Variants in SLC6A16 observed in about 807,000 individuals in gnomAD.
SLC6A16 encodes solute carrier family 6 member 16.
Under a neutral mutation model 65.4 loss-of-function variants are expected in SLC6A16, and 54 were observed. The ratio of observed to expected loss-of-function variants is 0.83; its 90% confidence interval spans 0.66 to 1.04. SLC6A16 has a LOEUF of 1.04. Among genes scored for constraint, SLC6A16 ranks in the 50% least tolerant of loss-of-function variants. SLC6A16 has a pLI of 0.00. For missense variants in SLC6A16, 816 were observed against 914.0 expected (o/e 0.89, Z 1.38); for synonymous variants, 330 against 346.5 (o/e 0.95, Z 0.53).
At chr19:49,318,423 C>A (rs566440583) in intron 1 of SLC6A16, among the ~76,000 whole-genome samples, 2 of 152,198 alleles carry the variant, frequency 1.3e-5, no homozygotes, top group East Asian at 3.9e-4. Context: ...AACTTAACTG[C>A]CTGTCACAAC....
intron 9 of SLC6A16, 40 bp downstream of exon 9, chr19:49,293,787 G>T (rs1970127256): frequency 4.5e-6 from 7 of 1,566,308 alleles, no homozygotes; most frequent in East Asian, 4.5e-5. Context: ...GGTGTCAGGG[G>T]TCAGGGTCAT....
intron 1 of SLC6A16, among the ~76,000 whole-genome samples, chr19:49,317,234 G>A (rs762682109): frequency 7.9e-5 from 12 of 151,962 alleles, no homozygotes; most frequent in African/African-American, 2.2e-4. Context: ...CCAGCTACTC[G>A]GAAGGCTGAG....
At chr19:49,317,216 C>T (rs917985154) in intron 1 of SLC6A16, among the ~76,000 whole-genome samples, 120 of 152,000 alleles carry the variant, frequency 7.9e-4, no homozygotes, top group Non-Finnish European at 1.2e-4. Context: ...TGGGACACAC[C>T]TGTAGCCCCA....
chr19:49,330,419 A>G, the SLC6A16 span, among the ~76,000 whole-genome samples: 43 of 152,250 alleles, frequency 2.8e-4, no homozygotes, highest in Middle Eastern at 0.014. Context: ...GCACTGCATG[A>G]TATCATCTCG....
intron 1 of SLC6A16, among the ~76,000 whole-genome samples, chr19:49,314,964 C>G (rs1600645534): frequency 6.6e-6 from 1 of 151,770 alleles, no homozygotes; most frequent in Admixed American, 6.6e-5. Flanking sequence ...ACCATCAAAA[C>G]AAAAGGAAGT....
the SLC6A16 span, chr19:49,337,932 G>A: frequency 6.2e-7 from 1 of 1,614,096 alleles, no homozygotes; most frequent in Non-Finnish European, 8.5e-7. Context: ...CAGCTGGAGC[G>A]AAGCTTGCGG....
intron 7 of SLC6A16, among the ~76,000 whole-genome samples, chr19:49,301,958 A>G (rs1343451436): frequency 6.6e-6 from 1 of 152,064 alleles, no homozygotes; most frequent in Non-Finnish European, 1.5e-5. Flanking sequence ...TCACGTTTGC[A>G]CCCTCAGCTA....
the SLC6A16 span, among the ~76,000 whole-genome samples, chr19:49,332,698 A>T: frequency 3.3e-5 from 5 of 152,360 alleles, no homozygotes; most frequent in Non-Finnish European, 7.3e-5. Flanking sequence ...GGGGATTAGG[A>T]CATAGACATA....
chr19:49,338,159 C>T, the SLC6A16 span: 7,411 of 1,457,850 alleles, frequency 5.1e-3, 159 homozygotes, highest in African/African-American at 0.058. The surrounding 1 kb of genome is among the most constrained non-coding windows in gnomAD (Gnocchi z 5.0). Flanking sequence ...CTCCCAGGCC[C>T]GACGCTCCCC....
intron 7 of SLC6A16, among the ~76,000 whole-genome samples, chr19:49,299,546 A>AAAAGAG (rs1970247142): frequency 7.9e-6 from 1 of 126,506 alleles, no homozygotes; most frequent in African/African-American, 3.2e-5. Flanking sequence ...AAAAAAAAAA[A>AAAAGAG]AAAGAAAGAA....
chr19:49,339,559 CGGAGGGTGGGGGCGGCCCAGCTTCAG>C, the SLC6A16 span: 11 of 1,466,886 alleles, frequency 7.5e-6, no homozygotes, highest in Admixed American at 2.4e-5. This position sits in a 1 kb window ranked among gnomAD's most constrained non-coding sequence, Gnocchi z 4.5. Flanking sequence ...CACCCAGCAC[CGGAGGGTGGGGGCGGCCCAGCTTCAG>C]GGAGCCCTGA....
At chr19:49,294,102 T>G in intron 8 of SLC6A16, 74 bp from the exon 9 acceptor site, 1 of 1,282,226 alleles carries the variant, frequency 7.8e-7, no homozygotes, top group Non-Finnish European at 1.1e-6. Context: ...CAAGTATACA[T>G]TCTATCTTCC....
intron 7 of SLC6A16, among the ~76,000 whole-genome samples, chr19:49,301,941 T>C (rs1231823381): frequency 6.6e-6 from 1 of 152,112 alleles, no homozygotes; most frequent in Admixed American, 6.5e-5. Flanking sequence ...AGGTTCTAAC[T>C]CCAGCATCAC....
At chr19:49,337,269 G>A in the SLC6A16 span, 1 of 1,559,954 alleles carries the variant, frequency 6.4e-7, no homozygotes, top group Non-Finnish European at 8.8e-7. Context: ...GGGAGGAGAG[G>A]GAAGGGAGTG....
At chr19:49,309,208 T>A (rs980050290) in intron 6 of SLC6A16, 91 bp from the exon 7 acceptor site, 3 of 1,586,546 alleles carry the variant, frequency 1.9e-6, no homozygotes, top group Admixed American at 1.7e-5. Flanking sequence ...GAGAGGGAGA[T>A]ACAAAAGTAA....
At chr19:49,304,095 G>A (rs2146105710) in intron 7 of SLC6A16, among the ~76,000 whole-genome samples, 1 of 152,346 alleles carries the variant, frequency 6.6e-6, no homozygotes, top group South Asian at 2.1e-4. Context: ...TCATGACATT[G>A]AGGGACAGGA....
At chr19:49,320,933 C>T (rs111710561) in intron 1 of SLC6A16, among the ~76,000 whole-genome samples, 2,994 of 152,234 alleles carry the variant, frequency 0.02, 55 homozygotes, top group Non-Finnish European at 0.032. Flanking sequence ...TCTACTAAAC[C>T]TTTAATGAAT....
rs749629700 is a variant in SLC6A16 at position 49,293,245 on chromosome 19, A to G, written c.1756T>C (p.Ser586Pro). 2.7e-5 allele frequency: 44 copies of G among 1,614,030 alleles called. No individual in the cohort carries two copies. Among genetic ancestry groups the G allele is most frequent in the Non-Finnish European group, 3.6e-5 (42 of 1,180,034 alleles). Reference sequence around the variant, plus strand: ...CACCTCCTGGCCCCATAGGCCCAGGATACAGCCATGGTTTCAAATACGACA... The same window carrying G: ...CACCTCCTGGCCCCATAGGCCCAGGGTACAGCCATGGTTTCAAATACGACA... ...VVVVFETMAVSWAYGARRFLA... is the reference protein window; with the variant it reads ...VVVVFETMAVPWAYGARRFLA... Residue 586 changes from serine (S) to proline (P), a missense_variant, in exon 10 of 12, where the codon TCC becomes CCC. By Grantham distance (74) the Ser-to-Pro change is moderately conservative. Coordinates refer to ENST00000335875, the MANE Select transcript of SLC6A16 (RefSeq NM_014037.3).
chr19:49,325,959 C>T (rs1028268098), upstream of SLC6A16, among the ~76,000 whole-genome samples: 4 of 151,168 alleles, frequency 2.6e-5, no homozygotes, highest in African/African-American at 9.7e-5. Flanking sequence ...GTCAGGAGTT[C>T]GAGACTAGCT....
Sources: allele counts gnomAD v4.1 joint callset (sites outside exome capture counted in the v4.1 genomes callset), GRCh38; gene constraint gnomAD v4.1.1; non-coding constraint Gnocchi (gnomAD v3.1); transcripts MANE v1.5; gene names NCBI Gene and HGNC (gene_info 2026-07-23, HGNC 2026-07-21).